Variants in IKBKB observed in about 807,000 individuals in gnomAD.
IKBKB encodes the protein inhibitor of nuclear factor kappa B kinase subunit beta.
A neutral mutation model predicts 113.6 loss-of-function variants in IKBKB; 42 were observed. That is an observed-to-expected ratio of 0.37 (90% CI 0.29 to 0.48). IKBKB has a LOEUF of 0.48. Ranked by LOEUF, IKBKB falls within the 20% of genes least tolerant of loss-of-function variation. IKBKB has a pLI of 0.99. For synonymous variants in IKBKB, 296 were observed against 361.3 expected, an observed-to-expected ratio of 0.82 and a Z score of 2.05; for missense variants, 673 against 939.7, an observed-to-expected ratio of 0.72 and a Z score of 3.71.
intron 11 of IKBKB, chr8:42,317,171 T>C (rs1247705050): frequency 4.2e-6 from 2 of 470,766 alleles, no homozygotes; most frequent in African/African-American, 2.1e-5. Flanking sequence ...AACACTCGAA[T>C]CTCTCAAGTT....
chr8:42,293,411 A>G (rs771427596), intron 4 of IKBKB, 32 bp from the exon 5 acceptor site: 24 of 1,613,722 alleles, frequency 1.5e-5, no homozygotes, highest in South Asian at 2.2e-5. Context: ...TGTGACCACC[A>G]GCTCTGATGC....
chr8:42,302,990 C>T (rs1012471380), intron 5 of IKBKB, among the ~76,000 whole-genome samples: 5 of 151,628 alleles, frequency 3.3e-5, no homozygotes, highest in African/African-American at 9.7e-5. Context: ...CACAGAGGGC[C>T]GTACCCATGA....
At chr8:42,280,414 TA>T (rs1368034229) in intron 2 of IKBKB, among the ~76,000 whole-genome samples, 1 of 152,096 alleles carries the variant, frequency 6.6e-6, no homozygotes, top group Non-Finnish European at 1.5e-5. Context: ...AGACCTTTGT[TA>T]AATACAAAGG....
rs1377171441 is a variant in IKBKB, at chr8:42,325,980, G to A, written c.1997G>A (p.Arg666His). The change falls in exon 20 of 22, where the codon CGT (arginine) becomes CAT (histidine). Residue 666 changes from arginine to histidine, a missense_variant. By Grantham distance (29) the Arg-to-His change is conservative (BLOSUM62 0). This residue lies in a region of IKBKB where 506 missense variants were observed against 638.7 expected (regional missense o/e 0.79). Transcript: ENST00000520810. The part of the protein sequence containing the change: ...NLLKIACSKV[R>H]GPVSGSPDSM... Reference sequence around the variant, plus strand: ...GATTTTGTCCCCTAGAGCAAGGTCCGTGGTCCTGTCAGTGGAAGCCCGGAT... The same window carrying A: ...GATTTTGTCCCCTAGAGCAAGGTCCATGGTCCTGTCAGTGGAAGCCCGGAT... 3.7e-6 allele frequency: 6 copies of A among 1,614,176 alleles called. No homozygotes were observed. Among genetic ancestry groups the A allele is most frequent in the Admixed American group, 1.7e-5 (1 of 60,020 alleles).
At chr8:42,311,960 C>T (rs1039165816) in intron 8 of IKBKB, among the ~76,000 whole-genome samples, 4 of 152,170 alleles carry the variant, frequency 2.6e-5, no homozygotes, top group African/African-American at 9.7e-5. Context: ...GATCGCGGCT[C>T]ACTGCAAGCT....
intron 13 of IKBKB, 196 bp downstream of exon 13, chr8:42,318,871 G>A (rs1457920499): frequency 5.2e-6 from 3 of 578,500 alleles, no homozygotes; most frequent in East Asian, 6.0e-5. Context: ...CGAGGTGAGT[G>A]TGGTTGGCAC....
Position 42,331,428 on chromosome 8 carries a change from G to T in IKBKB, c.*449G>T, listed in dbSNP as rs202142707. The T allele has an allele frequency of 2.8e-6, 2 of 702,424 alleles. No homozygotes were observed. Among genetic ancestry groups the T allele is most frequent in the Non-Finnish European group, 5.2e-6 (2 of 384,990 alleles). 43.5% of individuals were successfully genotyped at this position (702,424 alleles called of 1,614,324 possible). Reference sequence around the variant, plus strand: ...CAGGGCAGAGTCCGAGCAGCGCTTGGTGACAGCCTGTCCTCTCCTGCTCTC... The same window carrying T: ...CAGGGCAGAGTCCGAGCAGCGCTTGTTGACAGCCTGTCCTCTCCTGCTCTC... On this transcript the variant is annotated 3_prime_UTR_variant, in exon 22 of 22. Coordinates refer to ENST00000520810, the MANE Select transcript of IKBKB (RefSeq NM_001556.3).
chr8:42,293,458 G>C lies in IKBKB; in HGVS notation c.334G>C (p.Glu112Gln). Residue 112 changes from glutamate to glutamine, a missense_variant, in exon 5 of 22, where the codon GAG becomes CAG. Transcript: ENST00000520810. Reference sequence around the variant, plus strand: ...TTCTTGACAGTACCTGAACCAGTTTGAGAACTGCTGTGGTCTGCGGGAAGG... The same window carrying C: ...TTCTTGACAGTACCTGAACCAGTTTCAGAACTGCTGTGGTCTGCGGGAAGG... ...GDLRKYLNQFENCCGLREGAI... is the reference protein window; with the variant it reads ...GDLRKYLNQFQNCCGLREGAI... The C allele has an allele frequency of 1.2e-6, 2 of 1,614,204 alleles. No individual in the cohort carries two copies. Among genetic ancestry groups the C allele is most frequent in the Non-Finnish European group, 1.7e-6 (2 of 1,180,038 alleles).
intron 21 of IKBKB, 25 bp downstream of exon 21, chr8:42,329,239 C>A: frequency 6.5e-7 from 1 of 1,539,154 alleles, no homozygotes; most frequent in Non-Finnish European, 8.7e-7. Context: ...GAGACTCCTG[C>A]GATTCCATGT....
intron 8 of IKBKB, chr8:42,313,922 A>C (rs1818195264): frequency 5.9e-6 from 1 of 170,824 alleles, no homozygotes; most frequent in African/African-American, 2.4e-5. Context: ...TATATTACAA[A>C]TGTAAAATGG....
At chr8:42,308,589 C>T (rs1817033697) in intron 7 of IKBKB, among the ~76,000 whole-genome samples, 2 of 152,118 alleles carry the variant, frequency 1.3e-5, no homozygotes, top group South Asian at 4.1e-4. Context: ...TGAGCCACTG[C>T]GTCCAGCCTG....
At chr8:42,317,016 C>A in intron 11 of IKBKB, 112 bp downstream of exon 11, 2 of 1,024,428 alleles carry the variant, frequency 2.0e-6, no homozygotes, top group Non-Finnish European at 3.0e-6. Context: ...GTTAATCACA[C>A]AGTGCGGATA....
intron 2 of IKBKB, among the ~76,000 whole-genome samples, chr8:42,273,396 C>A: frequency 6.7e-6 from 1 of 149,536 alleles, no homozygotes; most frequent in Non-Finnish European, 1.5e-5. Flanking sequence ...GCCTGGGTGA[C>A]AGAATGAGAC....
intron 2 of IKBKB, among the ~76,000 whole-genome samples, chr8:42,276,133 G>A (rs1313873081): frequency 1.3e-5 from 2 of 152,160 alleles, no homozygotes; most frequent in African/African-American, 4.8e-5. Flanking sequence ...GAGCCACTGC[G>A]CTAGCCTTGT....
rs1490536162 is a variant in IKBKB, at chr8:42,272,230, A to AGC, written c.105+26_105+27insCG. The AGC allele has an allele frequency of 3.1e-6, 5 of 1,613,610 alleles. No individual in the cohort carries two copies. The Admixed American group carries it at 5.0e-5, about 16-fold the overall frequency. On this transcript the variant is annotated intron_variant, in intron 2 of 21. Transcript: ENST00000520810. ...GGTAGGCCCTCTGTGCAGCTTGGGG[A>AGC]GGGGCGGGGAGCCAGGCCCCCTCCT...
At chr8:42,313,134 G>A (rs1039781833) in intron 8 of IKBKB, among the ~76,000 whole-genome samples, 20 of 152,216 alleles carry the variant, frequency 1.3e-4, no homozygotes, top group African/African-American at 4.8e-5. Flanking sequence ...TTATTACCAA[G>A]ATTTGAAGCC....
chr8:42,305,684 C>G (rs1816367144), intron 6 of IKBKB, among the ~76,000 whole-genome samples: 1 of 152,198 alleles, frequency 6.6e-6, no homozygotes, highest in Non-Finnish European at 1.5e-5. Flanking sequence ...CTGGCCTCTG[C>G]TGCCAAGCCT....
intron 2 of IKBKB, among the ~76,000 whole-genome samples, chr8:42,285,460 T>C (rs1811230168): frequency 6.6e-6 from 1 of 151,972 alleles, no homozygotes; most frequent in Admixed American, 6.6e-5. Context: ...GAAGCTGAGG[T>C]GGGAGGATCG....
Position 42,320,819 on chromosome 8 carries a change from A to G in IKBKB, c.1663A>G (p.Lys555Glu), listed in dbSNP as rs923865995. The change falls in exon 16 of 22, where the codon AAG becomes GAG. Residue 555 changes from lysine to glutamate, a missense_variant. Physicochemically the swap from Lys to Glu is moderately conservative, Grantham distance 56 (BLOSUM62 1). Coordinates refer to ENST00000520810, the MANE Select transcript of IKBKB (RefSeq NM_001556.3). ...VDLQRSPMGRKQGGTLDDLEE... is the reference protein window; with the variant it reads ...VDLQRSPMGREQGGTLDDLEE... Reference sequence around the variant, plus strand: ...CTTACAGAGGAGCCCCATGGGCCGGAAGCAGGGGGGAACGCTGGACGACCT... The same window carrying G: ...CTTACAGAGGAGCCCCATGGGCCGGGAGCAGGGGGGAACGCTGGACGACCT... The G allele has an allele frequency of 1.2e-6, 2 of 1,603,306 alleles. No homozygotes were observed. Among genetic ancestry groups the G allele is most frequent in the Non-Finnish European group, 1.7e-6 (2 of 1,174,612 alleles).
Sources: gnomAD v4.1 joint callset for allele counts (sites outside exome capture counted in the v4.1 genomes callset) on GRCh38, gnomAD v4.1.1 for gene constraint, gnomAD v4.1.1 regional missense constraint, MANE v1.5 for transcripts, NCBI Gene and HGNC (gene_info 2026-07-23, HGNC 2026-07-21) for gene names.